FANCL: variants seen among roughly 807,000 people sequenced by gnomAD.
FANCL encodes the protein FA complementation group L.
A neutral mutation model predicts 59.4 loss-of-function variants in FANCL; 69 were observed. The observed-to-expected ratio is 1.16, with a 90% CI of 0.96 to 1.42. The LOEUF (loss-of-function observed/expected upper bound fraction) is 1.42, where lower values mean the gene tolerates loss of function less well. Ranked by LOEUF, FANCL falls within the 40% of genes most tolerant of loss-of-function variation. The probability of loss-of-function intolerance (pLI) is 0.00; values close to 1 mark genes in which losing one functional copy is unlikely to be tolerated. For synonymous variants in FANCL, 180 were observed against 147.1 expected (o/e 1.22, Z -1.62); for missense variants, 519 against 447.2 (o/e 1.16, Z -1.45).
chr2:58,224,663 T>C (rs573214063), intron 4 of FANCL, among the ~76,000 whole-genome samples: 1 of 151,870 alleles, frequency 6.6e-6, no homozygotes, highest in Non-Finnish European at 1.5e-5. Context: ...TTTCCATTGT[T>C]AGCAATATTA....
chr2:58,211,584 A>G (rs1359632262), intron 5 of FANCL, among the ~76,000 whole-genome samples: 1 of 152,206 alleles, frequency 6.6e-6, no homozygotes, highest in East Asian at 1.9e-4. Flanking sequence ...CTTTTCTATC[A>G]CATTGTCAGG....
chr2:58,175,093 G>C (rs1223717410), intron 7 of FANCL, among the ~76,000 whole-genome samples: 1 of 150,208 alleles, frequency 6.7e-6, no homozygotes, highest in Non-Finnish European at 1.5e-5. Flanking sequence ...GGAAGAAGTT[G>C]AATCTCTGAA....
intron 7 of FANCL, among the ~76,000 whole-genome samples, chr2:58,186,462 T>C (rs1183437857): frequency 2.0e-5 from 3 of 151,676 alleles, no homozygotes; most frequent in Admixed American, 6.6e-5. Context: ...GAACGAAGAG[T>C]GGGGACTGGA....
At chr2:58,162,840 A>C in intron 11 of FANCL, 26 bp downstream of exon 11, 1 of 1,581,294 alleles carries the variant, frequency 6.3e-7, no homozygotes, top group Admixed American at 1.7e-5. Flanking sequence ...TACTGTCTGG[A>C]ATATCAAAAC....
At chr2:58,198,362 C>T (rs1034684156) in intron 7 of FANCL, among the ~76,000 whole-genome samples, 1 of 152,076 alleles carries the variant, frequency 6.6e-6, no homozygotes, top group Non-Finnish European at 1.5e-5. Flanking sequence ...ATAACAACTA[C>T]TTACATGGCA....
In FANCL at chr2:58,241,110, C is replaced by G. The variant is rs1694499817; in HGVS notation, c.96+108G>C. 5.0e-6 allele frequency: 6 copies of G among 1,203,662 alleles called. No homozygotes were observed. In the South Asian group the frequency reaches 7.6e-5, roughly 15 times the overall value. 74.6% of individuals were successfully genotyped at this position (1,203,662 alleles called of 1,614,324 possible). The stretch of plus-strand genomic sequence containing the variant: ...AAGAGCCGTTACGCGCCGCCCCTCT[C>G]AATCCCCACAAGTCTGGGCCCCTAA... On this transcript the variant is annotated intron_variant, in intron 1 of 13. Transcript: ENST00000233741.
At chr2:58,176,322 G>C (rs1312240988) in intron 7 of FANCL, among the ~76,000 whole-genome samples, 1 of 152,022 alleles carries the variant, frequency 6.6e-6, no homozygotes, top group Non-Finnish European at 1.5e-5. Context: ...GCATCGCCAA[G>C]TCAATCCTAA....
chr2:58,240,033 T>C (rs1214274021), intron 1 of FANCL, among the ~76,000 whole-genome samples: 2 of 152,068 alleles, frequency 1.3e-5, no homozygotes, highest in Admixed American at 6.5e-5. Flanking sequence ...TGGGTGTACT[T>C]GTTTCCTAAA....
In FANCL at chr2:58,159,300, G is replaced by A. The variant is rs768416928; in HGVS notation, c.*465C>T. The A allele has an allele frequency of 1.4e-6, 2 of 1,392,870 alleles. No homozygotes were observed. Among genetic ancestry groups the A allele is most frequent in the Non-Finnish European group, 2.0e-6 (2 of 1,019,446 alleles). 86.3% of individuals were successfully genotyped at this position (1,392,870 alleles called of 1,614,324 possible). A position where few individuals can be genotyped will look rare whatever the true frequency, so the allele number is the denominator to read the frequency against. ...TACACACTACACAAAATAAATACTT[G>A]GATAACTCACGTCTAACAAACTAAA... is the stretch of plus-strand genomic sequence containing the variant. On this transcript the variant is annotated 3_prime_UTR_variant, in exon 14 of 14. Coordinates refer to ENST00000233741, the MANE Select transcript of FANCL (RefSeq NM_018062.4).
rs746508342 is a variant in FANCL, at chr2:58,226,768, G to T, written c.233C>A (p.Pro78His). The change falls in exon 4 of 14, where the codon CCT (proline) becomes CAT (histidine). Residue 78 changes from proline (P) to histidine (H), a missense_variant. By Grantham distance (77) the Pro-to-His change is moderately conservative (BLOSUM62 -2). Transcript: ENST00000233741. The stretch of plus-strand genomic sequence containing the variant: ...CTCCATCATAAAGCTCATTAGATCA[G>T]GAGAGTGCTGCATTCTCTAGATCAA... ...RIVQQRMQHS[P>H]DLMSFMMELK... 1 of 1,612,962 alleles carries T rather than the reference G, an allele frequency of 6.2e-7. No homozygotes were observed. Among genetic ancestry groups the T allele is most frequent in the Middle Eastern group, 1.7e-4 (1 of 6,046 alleles).
intron 7 of FANCL, among the ~76,000 whole-genome samples, chr2:58,173,711 G>C (rs907327442): frequency 2.0e-5 from 3 of 152,130 alleles, no homozygotes; most frequent in Admixed American, 6.5e-5. Flanking sequence ...ATCGAGGCTA[G>C]GAAGAAACTG....
intron 7 of FANCL, among the ~76,000 whole-genome samples, chr2:58,180,236 A>G (rs1199739289): frequency 1.3e-5 from 2 of 152,102 alleles, no homozygotes; most frequent in Non-Finnish European, 2.9e-5. Context: ...ATACCCAAAG[A>G]ATTATAAATC....
intron 5 of FANCL, among the ~76,000 whole-genome samples, chr2:58,215,560 C>G (rs1691628242): frequency 6.6e-6 from 1 of 151,990 alleles, no homozygotes; most frequent in Non-Finnish European, 1.5e-5. Flanking sequence ...CCTTGAAGGG[C>G]CAAAGTCCTA....
At chr2:58,170,584 ACAG>A (rs1686480716) in intron 7 of FANCL, among the ~76,000 whole-genome samples, 1 of 152,154 alleles carries the variant, frequency 6.6e-6, no homozygotes, top group South Asian at 2.1e-4. Flanking sequence ...AATTGGATAA[ACAG>A]TGAAGACCCA....
At chr2:58,204,251 A>G (rs966876007) in intron 5 of FANCL, 25 bp from the exon 6 acceptor site, 3 of 1,557,320 alleles carry the variant, frequency 1.9e-6, no homozygotes, top group African/African-American at 2.7e-5. Context: ...AGAATAAAAA[A>G]TGATCACACC....
intron 7 of FANCL, among the ~76,000 whole-genome samples, chr2:58,187,530 C>T (rs1329501834): frequency 1.3e-5 from 2 of 151,030 alleles, no homozygotes; most frequent in African/African-American, 2.4e-5. Flanking sequence ...CAAACCTGCA[C>T]GTTGTGCACA....
At chr2:58,200,608 C>A (rs984517597) in intron 6 of FANCL, among the ~76,000 whole-genome samples, 5 of 151,784 alleles carry the variant, frequency 3.3e-5, no homozygotes, top group African/African-American at 1.2e-4. Context: ...AGTAGATACA[C>A]AAAGTAAAGT....
At chr2:58,238,974 A>G (rs72948895) in intron 1 of FANCL, among the ~76,000 whole-genome samples, 2,866 of 152,266 alleles carry the variant, frequency 0.019, 101 homozygotes, top group African/African-American at 0.066. Flanking sequence ...TAATGATTAT[A>G]ATCAAGTAAT....
chr2:58,232,540 C>T (rs976177503), intron 1 of FANCL, among the ~76,000 whole-genome samples: 1 of 151,930 alleles, frequency 6.6e-6, no homozygotes, highest in African/African-American at 2.4e-5. Flanking sequence ...ATTATATAGT[C>T]GTTTTCAGCT....
Sources: allele counts gnomAD v4.1 joint callset (sites outside exome capture counted in the v4.1 genomes callset), GRCh38; gene constraint gnomAD v4.1.1; transcripts MANE v1.5; gene names NCBI Gene and HGNC (gene_info 2026-07-23, HGNC 2026-07-21).